Variants in CADM2 observed in about 807,000 individuals in gnomAD.
CADM2 encodes immunoglobulin superfamily member 4D.
A neutral mutation model predicts 49.8 loss-of-function variants in CADM2; 12 were observed. That is an observed-to-expected ratio of 0.24 (90% CI 0.15 to 0.39). The LOEUF is 0.39. CADM2 is among the 10% of genes least tolerant of loss of function. The pLI is 1.00. For missense variants in CADM2, 378 were observed against 492.3 expected, an observed-to-expected ratio of 0.77 and a Z score of 2.20; for synonymous variants, 214 against 175.4, an observed-to-expected ratio of 1.22 and a Z score of -1.74.
At chr3:85,529,117 A>G (rs1244254268) in intron 1 of CADM2, among the ~76,000 whole-genome samples, 3 of 152,300 alleles carry the variant, frequency 2.0e-5, no homozygotes, top group Non-Finnish European at 4.4e-5. Flanking sequence ...GGTCAGATAT[A>G]AAATAAGAGT....
At chr3:85,770,628 A>G (rs1311414562) in intron 2 of CADM2, among the ~76,000 whole-genome samples, 1 of 152,148 alleles carries the variant, frequency 6.6e-6, no homozygotes, top group African/African-American at 2.4e-5. Flanking sequence ...GGGAGATTAA[A>G]TATGAAGATT....
At chr3:85,737,409 G>T (rs145140289) in intron 2 of CADM2, among the ~76,000 whole-genome samples, 2 of 152,002 alleles carry the variant, frequency 1.3e-5, no homozygotes. Flanking sequence ...TATTCTAGTT[G>T]TTTCTATTTT....
At chr3:85,874,922 T>C (rs1037111059) in intron 3 of CADM2, among the ~76,000 whole-genome samples, 2 of 152,166 alleles carry the variant, frequency 1.3e-5, no homozygotes, top group Non-Finnish European at 2.9e-5. Flanking sequence ...AAAACTACAA[T>C]ACTAAACATA....
At chr3:85,021,489 C>T (rs895106977) in intron 1 of CADM2, among the ~76,000 whole-genome samples, 12 of 151,884 alleles carry the variant, frequency 7.9e-5, no homozygotes, top group African/African-American at 2.2e-4. Context: ...TTTAAAAATA[C>T]GCAGGCCGAG....
intron 1 of CADM2, among the ~76,000 whole-genome samples, chr3:85,269,825 A>G (rs2043198679): frequency 6.6e-6 from 1 of 151,052 alleles, no homozygotes. Context: ...TCTTTTTGAA[A>G]CCTTTTCAGT....
chr3:85,554,135 G>A (rs1471606351), intron 1 of CADM2, among the ~76,000 whole-genome samples: 1 of 151,854 alleles, frequency 6.6e-6, no homozygotes, highest in Non-Finnish European at 1.5e-5. Context: ...GTGAATTAGG[G>A]GCTGGGGGGC....
intron 1 of CADM2, among the ~76,000 whole-genome samples, chr3:85,661,029 A>G (rs984010098): frequency 2.0e-5 from 3 of 152,122 alleles, no homozygotes; most frequent in South Asian, 2.1e-4. Context: ...TTAAGAATTC[A>G]GCTTTTTGGA....
intron 2 of CADM2, among the ~76,000 whole-genome samples, chr3:85,780,771 C>T (rs893623724): frequency 6.6e-6 from 1 of 152,164 alleles, no homozygotes; most frequent in Non-Finnish European, 1.5e-5. Flanking sequence ...TAATCAACTA[C>T]TTCAGTGTCC....
At chr3:85,248,519 G>A (rs926641638) in intron 1 of CADM2, among the ~76,000 whole-genome samples, 8 of 152,022 alleles carry the variant, frequency 5.3e-5, no homozygotes, top group African/African-American at 1.7e-4. Context: ...CAGGCAATAC[G>A]CCAACCTTGG....
chr3:85,493,270 T>C (rs1278654955), intron 1 of CADM2, among the ~76,000 whole-genome samples: 1 of 152,152 alleles, frequency 6.6e-6, no homozygotes, highest in Non-Finnish European at 1.5e-5. Flanking sequence ...TTGAGAGTGC[T>C]TCCTTCTTGT....
chr3:86,058,988 G>A (rs1304979505), intron 8 of CADM2, among the ~76,000 whole-genome samples: 2 of 151,520 alleles, frequency 1.3e-5, no homozygotes, highest in African/African-American at 4.9e-5. Flanking sequence ...CAGCTACTTG[G>A]GTGGCTGAGG....
intron 1 of CADM2, among the ~76,000 whole-genome samples, chr3:85,645,480 T>A (rs2064856553): frequency 6.6e-6 from 1 of 152,000 alleles, no homozygotes; most frequent in Non-Finnish European, 1.5e-5. Flanking sequence ...TGTTTTTACA[T>A]AAAAATAAAT....
At chr3:85,274,255 G>T (rs1253749658) in intron 1 of CADM2, among the ~76,000 whole-genome samples, 1 of 151,280 alleles carries the variant, frequency 6.6e-6, no homozygotes, top group Non-Finnish European at 1.5e-5. Flanking sequence ...GGCTAGTGAG[G>T]TGAGTTCAGG....
At chr3:85,154,678 G>A (rs931536941) in intron 1 of CADM2, among the ~76,000 whole-genome samples, 19 of 150,054 alleles carry the variant, frequency 1.3e-4, no homozygotes, top group Non-Finnish European at 2.7e-4. Context: ...AATGTTAAGG[G>A]CAGCCAGAGA....
At chr3:85,318,688 C>T (rs1035024346) in intron 1 of CADM2, among the ~76,000 whole-genome samples, 2 of 152,058 alleles carry the variant, frequency 1.3e-5, no homozygotes, top group Admixed American at 1.3e-4. Flanking sequence ...AAAGAAAATA[C>T]ACTTGCTTTA....
intron 5 of CADM2, among the ~76,000 whole-genome samples, chr3:85,890,836 A>G (rs921572847): frequency 6.6e-6 from 1 of 152,166 alleles, no homozygotes; most frequent in Admixed American, 6.5e-5. Flanking sequence ...AGGTGGTAGG[A>G]CACTTTGAAG....
At chr3:85,230,835 C>T (rs2042269526) in intron 1 of CADM2, among the ~76,000 whole-genome samples, 2 of 152,102 alleles carry the variant, frequency 1.3e-5, no homozygotes. Context: ...TGAACCTTCT[C>T]ATTACTGACA....
intron 1 of CADM2, among the ~76,000 whole-genome samples, chr3:85,652,042 C>T (rs1205765679): frequency 7.1e-6 from 1 of 141,030 alleles, no homozygotes; most frequent in East Asian, 2.2e-4. Context: ...TGGTCTTGAT[C>T]TCCTGACCTC....
At chr3:86,039,419 G>A (rs543196056) in intron 8 of CADM2, among the ~76,000 whole-genome samples, 3 of 152,246 alleles carry the variant, frequency 2.0e-5, no homozygotes, top group South Asian at 4.2e-4. Flanking sequence ...TTAGCGAACG[G>A]CACACCAGGA....
Sources: gnomAD v4.1 joint callset for allele counts (sites outside exome capture counted in the v4.1 genomes callset) on GRCh38, gnomAD v4.1.1 for gene constraint, MANE v1.5 for transcripts, NCBI Gene and HGNC (gene_info 2026-07-23, HGNC 2026-07-21) for gene names.